Variants in PROC observed in about 807,000 individuals in gnomAD.
PROC encodes the protein protein C, inactivator of coagulation factors Va and VIIIa.
A neutral mutation model predicts 36.3 loss-of-function variants in PROC; 22 were observed. That is an observed-to-expected ratio of 0.61 (90% CI 0.43 to 0.86). PROC has a LOEUF of 0.86. PROC is among the 40% of genes least tolerant of loss of function. PROC has a pLI of 0.00. For missense variants in PROC, 526 were observed against 629.7 expected (o/e 0.84, Z 1.76); for synonymous variants, 218 against 244.5 (o/e 0.89, Z 1.01).
At position 127,423,227 on chromosome 2, in the gene PROC, G is replaced by C. The variant is rs1166732884; in HGVS notation, c.401-47G>C. 4 of 1,527,174 alleles carry C rather than the reference G, an allele frequency of 2.6e-6. No homozygotes were observed. The African/African-American group carries it at 5.6e-5, about 21-fold the overall frequency. 94.6% of individuals were successfully genotyped at this position (1,527,174 alleles called of 1,614,324 possible). On this transcript the variant is annotated intron_variant, in intron 5 of 8. Coordinates refer to ENST00000234071, the MANE Select transcript of PROC (RefSeq NM_000312.4). ...GCGGGGCGGGGCTGGGGCCGGGTTG[G>C]GGGCGCGGCACCAGCACCAGCTGCC... is the stretch of plus-strand genomic sequence containing the variant.
Position 127,428,448 on chromosome 2 carries a change from C to T in PROC, c.888C>T (p.Thr296=), listed in dbSNP as rs759229398. The change falls in exon 9 of 9, where the codon ACC becomes ACT. Residue 296 remains threonine, a synonymous_variant. Coordinates refer to ENST00000234071, the MANE Select transcript of PROC (RefSeq NM_000312.4). Reference sequence around the variant, plus strand: ...ACCCCAACTACAGCAAGAGCACCACCGACAATGACATCGCACTGCTGCACC... The same window carrying T: ...ACCCCAACTACAGCAAGAGCACCACTGACAATGACATCGCACTGCTGCACC... The part of the protein sequence containing the change: ...FVHPNYSKST[T]DNDIALLHLA... 1.9e-5 allele frequency: 31 copies of T among 1,614,064 alleles called. 1 individual carries two copies. The Admixed American group carries it at 2.5e-4, about 13-fold the overall frequency.
In PROC at chr2:127,428,673, T is replaced by C. The variant is rs1320981829; in HGVS notation, c.1113T>C (p.Asn371=). The part of the protein sequence containing the change: ...NFIKIPVVPH[N]ECSEVMSNMV... ...TCAAGATTCCCGTGGTCCCGCACAA[T>C]GAGTGCAGCGAGGTCATGAGCAACA... Residue 371 remains asparagine, a synonymous_variant, in exon 9 of 9, where the codon AAT becomes AAC. Transcript: ENST00000234071. The C allele has an allele frequency of 6.2e-7, 1 of 1,613,956 alleles. No individual in the cohort carries two copies. Among genetic ancestry groups the C allele is most frequent in the Admixed American group, 1.7e-5 (1 of 60,034 alleles).
intron 6 of PROC, among the ~76,000 whole-genome samples, chr2:127,425,202 C>G (rs1688410107): frequency 6.6e-6 from 1 of 152,248 alleles, no homozygotes; most frequent in African/African-American, 2.4e-5. Context: ...CCTTCAGCTT[C>G]TGGGCGCCCC....
intron 7 of PROC, 54 bp from the exon 8 acceptor site, chr2:127,427,051 A>T: frequency 6.8e-7 from 1 of 1,475,650 alleles, no homozygotes; most frequent in South Asian, 1.1e-5. Flanking sequence ...GGTGCCCTGG[A>T]CTGGAGGCTG....
rs568793026 is a variant in PROC, at chr2:127,428,529, C to A, written c.969C>A (p.Ser323Arg). 6.2e-7 allele frequency: 1 copy of A among 1,613,984 alleles called. No homozygotes were observed. Among genetic ancestry groups the A allele is most frequent in the Admixed American group, 1.7e-5 (1 of 60,034 alleles). Residue 323 changes from serine (S) to arginine (R), a missense_variant, in exon 9 of 9, where the codon AGC becomes AGA. By Grantham distance (110) the Ser-to-Arg change is moderately radical (BLOSUM62 -1). Coordinates refer to ENST00000234071, the MANE Select transcript of PROC (RefSeq NM_000312.4). Reference sequence around the variant, plus strand: ...TAGTGCCCATCTGCCTCCCGGACAGCGGCCTTGCAGAGCGCGAGCTCAATC... The same window carrying A: ...TAGTGCCCATCTGCCTCCCGGACAGAGGCCTTGCAGAGCGCGAGCTCAATC... ...QTIVPICLPD[S>R]GLAERELNQA...
intron 6 of PROC, chr2:127,423,766 C>A (rs1050690724): frequency 2.3e-5 from 7 of 298,050 alleles, no homozygotes; most frequent in Non-Finnish European, 3.7e-5. Flanking sequence ...CTCCATGTAG[C>A]CTGGCTGCGT....
Position 127,426,320 on chromosome 2 carries a change from G to C in PROC, c.678+93G>C. Reference sequence around the variant, plus strand: ...TATGCTCAGGGTGCAGAAACCGAGAGGGAAGCGCTGCCATTGCGTTTGGGG... The same window carrying C: ...TATGCTCAGGGTGCAGAAACCGAGACGGAAGCGCTGCCATTGCGTTTGGGG... On this transcript the variant is annotated intron_variant, in intron 7 of 8. Coordinates refer to ENST00000234071, the MANE Select transcript of PROC (RefSeq NM_000312.4). The surrounding 1 kb of genome is among the most constrained non-coding windows in gnomAD (Gnocchi z 7.0). 1 of 1,557,416 alleles carries C rather than the reference G, an allele frequency of 6.4e-7. No homozygotes were observed. Among genetic ancestry groups the C allele is most frequent in the Non-Finnish European group, 8.8e-7 (1 of 1,132,432 alleles).
chr2:127,427,810 G>GC (rs1427633987), intron 8 of PROC, among the ~76,000 whole-genome samples: 1 of 152,336 alleles, frequency 6.6e-6, no homozygotes, highest in Non-Finnish European at 1.5e-5. Context: ...ATGGCCAGTG[G>GC]CCCCCCGTGG....
rs775089029 is a variant in PROC, at chr2:127,429,213, A to G, written c.*267A>G. 1.5e-5 allele frequency: 7 copies of G among 473,526 alleles called. No individual in the cohort carries two copies. The highest frequency in any genetic ancestry group is 2.6e-5 in the Non-Finnish European group (7 of 264,590). The allele number at this position is 473,526 out of a possible 1,614,324, so 29.3% of individuals were successfully genotyped here. ...GTGTGTTGAGGGGGATACTCTGTTT[A>G]TGAAAAAGAATAAAAAACACAACCA... On this transcript the variant is annotated 3_prime_UTR_variant, in exon 9 of 9. Transcript: ENST00000234071.
chr2:127,419,422 G>A (rs1161698397), intron 1 of PROC, among the ~76,000 whole-genome samples: 2 of 152,126 alleles, frequency 1.3e-5, no homozygotes, highest in African/African-American at 2.4e-5. Flanking sequence ...GATACACCAC[G>A]TTATTCCATC....
At chr2:127,423,822 C>G (rs570238119) in intron 6 of PROC, among the ~76,000 whole-genome samples, 1 of 152,382 alleles carries the variant, frequency 6.6e-6, no homozygotes, top group Non-Finnish European at 1.5e-5. Context: ...CCTCTTTACC[C>G]CCTTGCTTCC....
At position 127,428,740 on chromosome 2, in the gene PROC, C is replaced by T. The variant is rs759316085; in HGVS notation, c.1180C>T (p.Arg394Trp). ...GCTGTGTGCGGGCATCCTCGGGGAC[C>T]GGCAGGATGCCTGCGAGGGCGACAG... The part of the protein sequence containing the change: ...NMLCAGILGD[R>W]QDACEGDSGG... The change falls in exon 9 of 9, where the codon CGG becomes TGG. Residue 394 changes from arginine (R) to tryptophan (W), a missense_variant. Transcript: ENST00000234071. The T allele has an allele frequency of 1.4e-5, 23 of 1,613,274 alleles. No individual in the cohort carries two copies. The highest frequency in any genetic ancestry group is 4.4e-5 in the South Asian group (4 of 91,090).
intron 1 of PROC, chr2:127,419,707 T>G (rs999227045): frequency 8.8e-7 from 1 of 1,131,328 alleles, no homozygotes; most frequent in East Asian, 2.7e-5. Flanking sequence ...ATTCTGGAGC[T>G]GCTTTCTAGG....
Position 127,428,634 on chromosome 2 carries a change from C to A in PROC, c.1074C>A (p.Phe358Leu), listed in dbSNP as rs769300513. The change falls in exon 9 of 9, where the codon TTC (phenylalanine) becomes TTA (leucine). Residue 358 changes from phenylalanine (F) to leucine (L), a missense_variant. Physicochemically the swap from Phe to Leu is conservative, Grantham distance 22. Transcript: ENST00000234071. ...REKEAKRNRT[F>L]VLNFIKIPVV... ...AGGAGGCCAAGAGAAACCGCACCTT[C>A]GTCCTCAACTTCATCAAGATTCCCG... 1.2e-6 allele frequency: 2 copies of A among 1,613,978 alleles called. No homozygotes were observed. Among genetic ancestry groups the A allele is most frequent in the Non-Finnish European group, 1.7e-6 (2 of 1,180,058 alleles).
chr2:127,422,062 TC>T (rs2104947322), intron 3 of PROC, among the ~76,000 whole-genome samples: 1 of 152,304 alleles, frequency 6.6e-6, no homozygotes, highest in South Asian at 2.1e-4. Flanking sequence ...GGGGATCGCT[TC>T]AGCCACTAGG....
chr2:127,427,067 A>G (rs764436997), intron 7 of PROC, 38 bp from the exon 8 acceptor site: 2 of 1,552,912 alleles, frequency 1.3e-6, no homozygotes, highest in South Asian at 2.2e-5. Flanking sequence ...GGCTGTCAGG[A>G]GGCAGCCCTG....
rs1688084116 is a variant in PROC, at chr2:127,421,419, C to A, written c.207C>A (p.Ala69=). The A allele has an allele frequency of 6.2e-7, 1 of 1,613,796 alleles. No homozygotes were observed. Among genetic ancestry groups the A allele is most frequent in the South Asian group, 1.1e-5 (1 of 91,082 alleles). The change falls in exon 3 of 9, where the codon GCC becomes GCA. Residue 69 remains alanine (A), a synonymous_variant. Transcript: ENST00000234071. ...CIEEICDFEE[A]KEIFQNVDDT... ...AGGAGATCTGTGACTTCGAGGAGGCCAAGGAAATTTTCCAAAATGTGGATG... is the reference window on the plus strand; with the variant it reads ...AGGAGATCTGTGACTTCGAGGAGGCAAAGGAAATTTTCCAAAATGTGGATG...
chr2:127,429,021 G>A lies in PROC; in HGVS notation c.*75G>A. 6.5e-7 allele frequency: 1 copy of A among 1,527,284 alleles called. No homozygotes were observed. The highest frequency in any genetic ancestry group is 9.1e-7 in the Non-Finnish European group (1 of 1,104,316). 94.6% of individuals were successfully genotyped at this position (1,527,284 alleles called of 1,614,324 possible). A position where few individuals can be genotyped will look rare whatever the true frequency, so the allele number is the denominator to read the frequency against. On this transcript the variant is annotated 3_prime_UTR_variant, in exon 9 of 9. Transcript: ENST00000234071. ...AAAGGGACATGTAACAAGCACACCGGCCTGCTGTTCTGTCCTTCCATCCCT... is the reference window on the plus strand; with the variant it reads ...AAAGGGACATGTAACAAGCACACCGACCTGCTGTTCTGTCCTTCCATCCCT...
chr2:127,425,892 TTGACTGAC>T (rs571430618), intron 6 of PROC, among the ~76,000 whole-genome samples, 185 bp from the exon 7 acceptor site: 6 of 152,284 alleles, frequency 3.9e-5, no homozygotes, highest in South Asian at 2.1e-4. Flanking sequence ...GCACTGTTTG[TTGACTGAC>T]TGACTGACTG....
Sources: allele counts gnomAD v4.1 joint callset (sites outside exome capture counted in the v4.1 genomes callset), GRCh38; gene constraint gnomAD v4.1.1; non-coding constraint Gnocchi (gnomAD v3.1); transcripts MANE v1.5; gene names NCBI Gene and HGNC (gene_info 2026-07-23, HGNC 2026-07-21).